SPTAN1: variants seen among roughly 807,000 people sequenced by gnomAD.
SPTAN1 encodes the protein spectrin alpha chain, non-erythrocytic 1.
SPTAN1 carries 61 observed loss-of-function variants against 331.3 expected under a neutral mutation model. The ratio of observed to expected loss-of-function variants is 0.18; its 90% CI spans 0.15 to 0.23. SPTAN1 has a LOEUF of 0.23. Ranked by LOEUF, SPTAN1 falls within the 10% of genes least tolerant of loss-of-function variation. The pLI, the probability that SPTAN1 is intolerant of heterozygous loss-of-function variation, is 1.00. For missense variants in SPTAN1, 2,043 were observed against 3,147.9 expected, an observed-to-expected ratio of 0.65 and a Z score of 8.40; for synonymous variants, 1,153 against 1,173.9, an observed-to-expected ratio of 0.98 and a Z score of 0.36.
intron 28 of SPTAN1, 131 bp downstream of exon 28, chr9:128,603,721 C>A: frequency 8.6e-7 from 1 of 1,160,682 alleles, no homozygotes; most frequent in Non-Finnish European, 1.3e-6. Context: ...TGGGTCCAAG[C>A]ATGTCCTAAG....
intron 52 of SPTAN1, 40 bp from the exon 53 acceptor site, chr9:128,632,087 A>AGG: frequency 6.2e-7 from 1 of 1,603,946 alleles, no homozygotes; most frequent in Non-Finnish European, 8.5e-7. Flanking sequence ...GACTGAGCTG[A>AGG]GGGCCCCCGT....
intron 2 of SPTAN1, among the ~76,000 whole-genome samples, chr9:128,567,194 T>C (rs1458300079): frequency 6.6e-6 from 1 of 152,242 alleles, no homozygotes; most frequent in South Asian, 2.1e-4. Flanking sequence ...AAACTGATGG[T>C]TCTCAAACCT....
chr9:128,625,847 G>A lies in SPTAN1; in HGVS notation c.6148G>A (p.Ala2050Thr), dbSNP rs762645157. 15 of 1,614,014 alleles carry A rather than the reference G, an allele frequency of 9.3e-6. No individual in the cohort carries two copies. Among genetic ancestry groups the A allele is most frequent in the East Asian group, 2.2e-5 (1 of 44,880 alleles). ...NITALKDQLL[A>T]AKHVQSKAIE... Reference sequence around the variant, plus strand: ...CACTGCCCTCAAAGATCAGCTTCTCGCCGCCAAACACGTTCAGTCCAAGGC... The same window carrying A: ...CACTGCCCTCAAAGATCAGCTTCTCACCGCCAAACACGTTCAGTCCAAGGC... Residue 2050 changes from alanine to threonine, a missense_variant, in exon 48 of 57, where the codon GCC becomes ACC. Transcript: ENST00000372739. This position sits in a 1 kb window ranked among gnomAD's most constrained non-coding sequence, Gnocchi z 4.1.
At chr9:128,605,828 C>A (rs555026903) in intron 31 of SPTAN1, among the ~76,000 whole-genome samples, 1 of 152,108 alleles carries the variant, frequency 6.6e-6, no homozygotes, top group Admixed American at 6.5e-5. Context: ...GCCGTCTCTA[C>A]CAAAAGTACA....
chr9:128,575,191 C>G lies in SPTAN1; in HGVS notation c.505-8C>G. 6.2e-7 allele frequency: 1 copy of G among 1,614,124 alleles called. No individual in the cohort carries two copies. On this transcript the variant is annotated splice_polypyrimidine_tract_variant and splice_region_variant and intron_variant, in intron 4 of 56. Transcript: ENST00000372739. ...GGTGACTCTGGCTCTCTTATGGTCC[C>G]TGAATAGGAAGCAATTGTTACTTCT... is the stretch of plus-strand genomic sequence containing the variant.
intron 19 of SPTAN1, among the ~76,000 whole-genome samples, chr9:128,586,902 C>T (rs146585813): frequency 6.6e-6 from 1 of 151,936 alleles, no homozygotes; most frequent in Non-Finnish European, 1.5e-5. Context: ...ACTGCAACCT[C>T]CACCTCCTGG....
chr9:128,595,100 G>A (rs879284097), intron 24 of SPTAN1, among the ~76,000 whole-genome samples: 10 of 146,550 alleles, frequency 6.8e-5, no homozygotes, highest in Admixed American at 3.4e-4. Context: ...GTAAGCCACC[G>A]TGCCCGGCCT....
rs1299871659 is a variant in SPTAN1 at position 128,588,795 on chromosome 9, C to G, written c.2872-14C>G. ...CGTGTTTTTACCATGTTTGCCCTTC[C>G]TTTGGATTTTTAGCAACAAGTGGCC... is the stretch of plus-strand genomic sequence containing the variant. On this transcript the variant is annotated splice_polypyrimidine_tract_variant and intron_variant, in intron 20 of 56. Transcript: ENST00000372739. 1 of 1,613,860 alleles carries G rather than the reference C, an allele frequency of 6.2e-7. No individual in the cohort carries two copies. The highest frequency in any genetic ancestry group is 2.2e-5 in the East Asian group (1 of 44,878).
In SPTAN1 at chr9:128,615,745, C is replaced by T. The variant is rs1334875679; in HGVS notation, c.5262C>T (p.Ile1754=). The T allele has an allele frequency of 2.5e-6, 4 of 1,614,118 alleles. No homozygotes were observed. The highest frequency in any genetic ancestry group is 3.4e-6 in the Non-Finnish European group (4 of 1,180,056). The stretch of plus-strand genomic sequence containing the variant: ...CCATCAACGGGCGCTTCCAGAAGAT[C>T]AAGAGCATGGCGGCCTCCCGGCGAG... ...RDTINGRFQK[I]KSMAASRRAK... Residue 1754 remains isoleucine, a synonymous_variant, in exon 41 of 57, where the codon ATC becomes ATT. Transcript: ENST00000372739.
chr9:128,609,226 T>G lies in SPTAN1; in HGVS notation c.4700T>G (p.Ile1567Ser), dbSNP rs766922699. 1 of 1,614,078 alleles carries G rather than the reference T, an allele frequency of 6.2e-7. No individual in the cohort carries two copies. Among genetic ancestry groups the G allele is most frequent in the Non-Finnish European group, 8.5e-7 (1 of 1,180,034 alleles). ...GATGTGGATGAGATTGAGGCTTGGA[T>G]CAGTGAAAAATTGCAAACAGCGAGT... ...SRDVDEIEAW[I>S]SEKLQTASDE... is the part of the protein sequence containing the mutation. Residue 1567 changes from isoleucine to serine, a missense_variant, in exon 36 of 57, where the codon ATC (isoleucine) becomes AGC (serine). This residue lies in a region of SPTAN1 where 323 missense variants were observed against 581.1 expected (regional missense o/e 0.56). Coordinates refer to ENST00000372739, the MANE Select transcript of SPTAN1 (RefSeq NM_001130438.3).
rs1184699382 is a variant in SPTAN1 at position 128,625,290 on chromosome 9, A to AG, written c.6069+113dup. On this transcript the variant is annotated intron_variant, in intron 47 of 56. Transcript: ENST00000372739. This position sits in a 1 kb window ranked among gnomAD's most constrained non-coding sequence, Gnocchi z 4.1. The stretch of plus-strand genomic sequence containing the variant: ...CTTCTGTTAGCCCCTGGGGATCAGC[A>AG]GGAAAAAGATCCTGTCCTGGTCCTC... 2.2e-5 allele frequency: 25 copies of AG among 1,121,794 alleles called. No homozygotes were observed. The East Asian group carries it at 6.0e-4, about 27-fold the overall frequency. 69.5% of individuals were successfully genotyped at this position (1,121,794 alleles called of 1,614,324 possible). A position where few individuals can be genotyped will look rare whatever the true frequency, so the allele number is the denominator to read the frequency against.
Position 128,629,857 on chromosome 9 carries a change from C to T in SPTAN1, c.6708-464C>T, listed in dbSNP as rs1424750202. On this transcript the variant is annotated intron_variant, in intron 51 of 56. Coordinates refer to ENST00000372739, the MANE Select transcript of SPTAN1 (RefSeq NM_001130438.3). The surrounding 1 kb of genome is among the most constrained non-coding windows in gnomAD (Gnocchi z 4.9). ...TCTCATTCCCCCTAGAATGGGGCTC[C>T]CTCCCTCAGGAACCTTGCCGGGACA... 2 of 322,586 alleles carry T rather than the reference C, an allele frequency of 6.2e-6. No individual in the cohort carries two copies. Among genetic ancestry groups the T allele is most frequent in the East Asian group, 1.6e-4 (2 of 12,550 alleles). 20.0% of individuals were successfully genotyped at this position (322,586 alleles called of 1,614,324 possible). A position where few individuals can be genotyped will look rare whatever the true frequency, so the allele number is the denominator to read the frequency against.
chr9:128,630,169 C>G (rs1389984723), intron 51 of SPTAN1, 152 bp from the exon 52 acceptor site: 3 of 832,214 alleles, frequency 3.6e-6, no homozygotes, highest in African/African-American at 1.7e-5. Context: ...TCCCTGGGGC[C>G]CATTAGGTAA....
intron 27 of SPTAN1, 92 bp downstream of exon 27, chr9:128,600,207 C>A: frequency 7.1e-7 from 1 of 1,401,316 alleles, no homozygotes; most frequent in Non-Finnish European, 1.0e-6. Flanking sequence ...GAATATTCAG[C>A]TTAAGTCTTT....
At chr9:128,630,113 G>A (rs1859457323) in intron 51 of SPTAN1, 9 of 741,698 alleles carry the variant, frequency 1.2e-5, no homozygotes, top group Non-Finnish European at 2.2e-5. Context: ...CAAGGCAGCA[G>A]CTTCCCATCT....
intron 1 of SPTAN1, among the ~76,000 whole-genome samples, chr9:128,564,229 G>A (rs539407438): frequency 4.7e-4 from 71 of 152,218 alleles, no homozygotes; most frequent in Middle Eastern, 6.8e-3. Flanking sequence ...GACCAGCCTG[G>A]CCAACATGGT....
Position 128,611,788 on chromosome 9 carries a change from C to A in SPTAN1, c.4848C>A (p.Asp1616Glu). 6.2e-7 allele frequency: 1 copy of A among 1,614,184 alleles called. No individual in the cohort carries two copies. Among genetic ancestry groups the A allele is most frequent in the Non-Finnish European group, 8.5e-7 (1 of 1,180,028 alleles). Residue 1616 changes from aspartate (D) to glutamate (E), a missense_variant, in exon 38 of 57, where the codon GAC (aspartate) becomes GAA (glutamate). Physicochemically the swap from Asp to Glu is conservative, Grantham distance 45. Around this residue, in one of 12 missense-constraint regions of SPTAN1, gnomAD observed 323 missense variants for 581.1 expected, o/e 0.56. Coordinates refer to ENST00000372739, the MANE Select transcript of SPTAN1 (RefSeq NM_001130438.3). ...CTGACCGGATCCGTGGGGTTATCGACATGGGCAACTCCCTCATTGAACGTG... is the reference window on the plus strand; with the variant it reads ...CTGACCGGATCCGTGGGGTTATCGAAATGGGCAACTCCCTCATTGAACGTG... ...ANADRIRGVI[D>E]MGNSLIERGA...
At chr9:128,570,325 TATATA>T (rs150006796) in intron 3 of SPTAN1, among the ~76,000 whole-genome samples, 1 of 21,492 alleles carries the variant, frequency 4.7e-5, no homozygotes, top group African/African-American at 1.8e-4. Context: ...TATATATATA[TATATA>T]TTTTTTTTTT....
intron 1 of SPTAN1, among the ~76,000 whole-genome samples, chr9:128,564,662 C>G (rs1317358948): frequency 1.3e-5 from 2 of 152,086 alleles, no homozygotes; most frequent in African/African-American, 4.8e-5. Flanking sequence ...TGTACAATTG[C>G]TTTGCAAATC....
Sources: gnomAD v4.1 joint callset for allele counts (sites outside exome capture counted in the v4.1 genomes callset) on GRCh38, gnomAD v4.1.1 for gene constraint, gnomAD v4.1.1 regional missense constraint, Gnocchi (gnomAD v3.1) non-coding constraint, MANE v1.5 for transcripts, NCBI Gene and HGNC (gene_info 2026-07-23, HGNC 2026-07-21) for gene names.